The following WDPCP variants were observed in gnomAD, a reference collection of about 807,000 sequenced individuals.
WDPCP encodes WD repeat-containing and planar cell polarity effector protein fritz homolog.
Under a neutral mutation model 93.1 loss-of-function variants are expected in WDPCP, and 71 were observed. That is an observed-to-expected ratio of 0.76 (90% confidence interval 0.63 to 0.93). The LOEUF (loss-of-function observed/expected upper bound fraction) is 0.93. Ranked by LOEUF, WDPCP falls within the 40% of genes least tolerant of loss-of-function variation. WDPCP has a pLI of 0.00. For missense variants in WDPCP, 844 were observed against 887.4 expected (o/e 0.95, Z 0.62); for synonymous variants, 315 against 315.0 (o/e 1.00, Z 0.00).
At position 63,688,861 on chromosome 2, in the gene WDPCP, C is replaced by T. The variant is rs76654475; in HGVS notation, n.309-38023G>A. On this transcript the variant is annotated intron_variant and non_coding_transcript_variant, in intron 2 of 4. Transcript: ENST00000467687. ...TGGGGCCTTTAAAAGGTGATTAGGT[C>T]ATGAGGTTTCTGTCCTCATGAATGG... 9.3e-3 allele frequency among the ~76,000 whole-genome samples: 1,412 copies of T among 152,242 alleles called. 7 individuals are homozygous for T. The highest frequency in any genetic ancestry group is 0.015 in the Non-Finnish European group (1,023 of 68,016).
intron 13 of WDPCP, among the ~76,000 whole-genome samples, chr2:63,308,488 C>T (rs1259791071): frequency 6.6e-6 from 1 of 152,190 alleles, no homozygotes; most frequent in Non-Finnish European, 1.5e-5. Context: ...GACTTGGAAC[C>T]AACCCAAATG....
chr2:63,704,197 T>C (rs1228698407), intron 2 of WDPCP, among the ~76,000 whole-genome samples: 5 of 152,228 alleles, frequency 3.3e-5, no homozygotes, highest in South Asian at 2.1e-4. Flanking sequence ...AAGGAGATTT[T>C]GGCTGAGATG....
rs80268732 is a variant in WDPCP, at chr2:63,563,003, C to T, written c.75+25194G>A. Among the ~76,000 whole-genome samples, 564 of 152,160 alleles carry T rather than the reference C, an allele frequency of 3.7e-3. 4 individuals carry two copies. The highest frequency in any genetic ancestry group is 0.013 in the African/African-American group (524 of 41,520). ...TACTAGACTGTCATTGCTTCTAAGT[C>T]CTCTCAGAGATCAGAGGTAGGAAAT... On this transcript the variant is annotated intron_variant, in intron 1 of 17. Coordinates refer to ENST00000272321, the MANE Select transcript of WDPCP (RefSeq NM_015910.7).
chr2:63,608,445 C>T (rs1267289838), intron 3 of WDPCP, among the ~76,000 whole-genome samples: 2 of 152,116 alleles, frequency 1.3e-5, no homozygotes, highest in African/African-American at 2.4e-5. Context: ...CATCCTCATG[C>T]TTAACACACT....
At chr2:63,230,564 G>C (rs1678770543) in intron 14 of WDPCP, among the ~76,000 whole-genome samples, 1 of 152,152 alleles carries the variant, frequency 6.6e-6, no homozygotes, top group Non-Finnish European at 1.5e-5. Context: ...CAGTGTAAAA[G>C]TGTTCCTATT....
At chr2:63,562,977 C>A (rs111681016) in intron 1 of WDPCP, among the ~76,000 whole-genome samples, 139 of 152,234 alleles carry the variant, frequency 9.1e-4, no homozygotes, top group African/African-American at 3.1e-3. Flanking sequence ...GTGCTCACTG[C>A]TACTAGACTG....
chr2:63,367,484 G>A (rs1385142765), intron 12 of WDPCP, among the ~76,000 whole-genome samples: 1 of 152,104 alleles, frequency 6.6e-6, no homozygotes, highest in South Asian at 2.1e-4. Flanking sequence ...TATGTGTGAT[G>A]TGTGAATGTT....
chr2:63,481,040 G>GA (rs1436767969), intron 6 of WDPCP, among the ~76,000 whole-genome samples: 7 of 151,042 alleles, frequency 4.6e-5, no homozygotes, highest in Non-Finnish European at 7.4e-5. Context: ...AAATCAGTAA[G>GA]AAAAAAAACA....
At chr2:63,684,787 A>G in intron 2 of WDPCP, 1 of 462,944 alleles carries the variant, frequency 2.2e-6, no homozygotes, top group Non-Finnish European at 4.1e-6. Context: ...CTCTGATCAC[A>G]ATGCAATAAA....
At chr2:63,269,957 G>A (rs1682487497) in intron 13 of WDPCP, among the ~76,000 whole-genome samples, 1 of 152,010 alleles carries the variant, frequency 6.6e-6, no homozygotes, top group Non-Finnish European at 1.5e-5. Context: ...ATTTCCTTTG[G>A]ACAAATCTGA....
chr2:63,686,256 T>C (rs1395109294), intron 2 of WDPCP, among the ~76,000 whole-genome samples: 1 of 152,102 alleles, frequency 6.6e-6, no homozygotes, highest in Non-Finnish European at 1.5e-5. Flanking sequence ...TAAAGTTGCA[T>C]ACAAAATCAA....
chr2:63,597,553 A>T, intron 3 of WDPCP: 1 of 1,430,098 alleles, frequency 7.0e-7, no homozygotes, highest in South Asian at 1.6e-5. Context: ...CCTTAGATAA[A>T]TACGCCAAGA....
intron 2 of WDPCP, chr2:63,717,412 T>C (rs550572469): frequency 1.5e-5 from 6 of 403,934 alleles, no homozygotes; most frequent in Non-Finnish European, 2.4e-5. Context: ...TTTAAGGTCA[T>C]GGTATCCCTG....
intron 12 of WDPCP, among the ~76,000 whole-genome samples, chr2:63,325,877 A>G (rs773733906): frequency 6.6e-6 from 1 of 152,184 alleles, no homozygotes; most frequent in Non-Finnish European, 1.5e-5. Flanking sequence ...ACTTCTCTTT[A>G]TATGTCAGAG....
At chr2:63,833,465 C>T in the WDPCP span, among the ~76,000 whole-genome samples, 1 of 152,204 alleles carries the variant, frequency 6.6e-6, no homozygotes, top group Non-Finnish European at 1.5e-5. Context: ...TACTCCTCTG[C>T]TTCCCTAGAC....
At chr2:63,292,467 A>G (rs920906289) in intron 13 of WDPCP, among the ~76,000 whole-genome samples, 4 of 152,190 alleles carry the variant, frequency 2.6e-5, no homozygotes, top group Non-Finnish European at 5.9e-5. Flanking sequence ...CAAATGCCCA[A>G]TGAGGATGCT....
intron 2 of WDPCP, among the ~76,000 whole-genome samples, chr2:63,706,998 T>G (rs185341869): frequency 1.4e-4 from 21 of 152,342 alleles, no homozygotes; most frequent in African/African-American, 3.8e-4. Flanking sequence ...AGAGATCAGT[T>G]GTTAGTCTGA....
chr2:63,126,027 G>A (rs1385714312), intron 17 of WDPCP, among the ~76,000 whole-genome samples: 3 of 149,926 alleles, frequency 2.0e-5, no homozygotes, highest in Non-Finnish European at 3.0e-5. Context: ...CTTGACCTCC[G>A]AGGCTCAGGT....
chr2:63,322,371 T>G (rs549453208), intron 12 of WDPCP, among the ~76,000 whole-genome samples: 1 of 152,292 alleles, frequency 6.6e-6, no homozygotes, highest in Admixed American at 6.5e-5. Flanking sequence ...CCTTCCATGC[T>G]GTGGAAGCTT....
Sources: gnomAD v4.1 joint callset for allele counts (sites outside exome capture counted in the v4.1 genomes callset) on GRCh38, gnomAD v4.1.1 for gene constraint, MANE v1.5 for transcripts, NCBI Gene and HGNC (gene_info 2026-07-23, HGNC 2026-07-21) for gene names.